The following AXL variants were observed in gnomAD, a reference collection of about 807,000 sequenced individuals.
The protein encoded by AXL is AXL receptor tyrosine kinase, also known as tyrosine-protein kinase receptor UFO.
In AXL, 52 loss-of-function variants were observed where a neutral mutation model predicts 104.5. The ratio of observed to expected loss-of-function variants is 0.50; its 90% CI spans 0.40 to 0.63. AXL has a LOEUF of 0.63. Ranked by LOEUF, AXL falls within the 20% of genes least tolerant of loss-of-function variation. The pLI, the probability that AXL is intolerant of heterozygous loss-of-function variation, is 0.00. For missense variants in AXL, 1,024 were observed against 1,188.5 expected, an observed-to-expected ratio of 0.86 and a Z score of 2.04; for synonymous variants, 455 against 473.7, an observed-to-expected ratio of 0.96 and a Z score of 0.51.
At chr19:41,221,788 T>A (rs1481790456) in intron 3 of AXL, 92 bp from the exon 4 acceptor site, 26 of 1,407,112 alleles carry the variant, frequency 1.8e-5, no homozygotes, top group African/African-American at 7.2e-5. Context: ...CAGGGTGGGT[T>A]TGCTGCCCAA....
At chr19:41,254,030 TG>T (rs1373154737) in intron 17 of AXL, among the ~76,000 whole-genome samples, 3 of 151,904 alleles carry the variant, frequency 2.0e-5, no homozygotes, top group Non-Finnish European at 4.4e-5. Context: ...CACTCCATGC[TG>T]GGTGTCTTGC....
rs1367408180 is a variant in AXL at position 41,239,727 on chromosome 19, G to C, written c.1312+7G>C. 1 of 1,614,086 alleles carries C rather than the reference G, an allele frequency of 6.2e-7. No individual in the cohort carries two copies. The highest frequency in any genetic ancestry group is 1.1e-5 in the South Asian group (1 of 91,086). On this transcript the variant is annotated splice_region_variant and intron_variant, in intron 10 of 19. Transcript: ENST00000301178. The stretch of plus-strand genomic sequence containing the variant: ...CAGCCAGTCCACCAGCTGGGTAAGG[G>C]CTTCCACACCCCATCTCCTCCTTCC...
chr19:41,229,531 C>T (rs113739911), intron 4 of AXL, among the ~76,000 whole-genome samples: 3,486 of 152,270 alleles, frequency 0.023, 144 homozygotes, highest in African/African-American at 0.079. Flanking sequence ...TCCCAAAGTG[C>T]TGGGATTACA....
At position 41,257,820 on chromosome 19, in the gene AXL, G is replaced by T. The variant is rs371339246; in HGVS notation, c.2333+191G>T. ...CCAGTGGGGTGCAAATCAGCTAAAG[G>T]CACCCTTTCCTCCTTTGTCTGTGTG... is the stretch of plus-strand genomic sequence containing the variant. On this transcript the variant is annotated intron_variant, in intron 19 of 19. Coordinates refer to ENST00000301178, the MANE Select transcript of AXL (RefSeq NM_021913.5). Among the ~76,000 whole-genome samples, 74 of 152,292 alleles carry T rather than the reference G, an allele frequency of 4.9e-4. No homozygotes were observed. The South Asian group carries it at 0.015, about 31-fold the overall frequency.
rs1002465671 is a variant in AXL at position 41,222,004 on chromosome 19, C to A, written c.534C>A (p.Val178=). 6.2e-7 allele frequency: 1 copy of A among 1,606,884 alleles called. No homozygotes were observed. The highest frequency in any genetic ancestry group is 1.1e-5 in the South Asian group (1 of 89,866). The part of the protein sequence containing the change: ...PVDLLWLQDA[V]PLATAPGHGP... ...ACCTACTCTGGCTCCAGGATGCTGT[C>A]CCCCTGGCCACGGCTCCAGGTCACG... The change falls in exon 4 of 20, where the codon GTC becomes GTA. Residue 178 remains valine (V), a synonymous_variant. Coordinates refer to ENST00000301178, the MANE Select transcript of AXL (RefSeq NM_021913.5).
At position 41,243,676 on chromosome 19, in the gene AXL, G is replaced by A. The variant is rs759440316; in HGVS notation, c.1506G>A (p.Lys502=). 13 of 1,614,106 alleles carry A rather than the reference G, an allele frequency of 8.1e-6. No homozygotes were observed. Among genetic ancestry groups the A allele is most frequent in the Non-Finnish European group, 1.0e-5 (12 of 1,180,020 alleles). ...TGGTAGTCAGGTACCGCGTGCGCAA[G>A]TCCTACAGTCGTCGGACCACTGAAG... is the stretch of plus-strand genomic sequence containing the variant. The part of the protein sequence containing the change: ...GELVVRYRVR[K]SYSRRTTEAT... The change falls in exon 12 of 20, where the codon AAG becomes AAA. Residue 502 remains lysine (K), a synonymous_variant. Transcript: ENST00000301178.
At chr19:41,242,462 G>T (rs2034200395) in intron 10 of AXL, among the ~76,000 whole-genome samples, 1 of 151,300 alleles carries the variant, frequency 6.6e-6, no homozygotes, top group Non-Finnish European at 1.5e-5. Flanking sequence ...AGCTGGGATT[G>T]CAGGTGTGCA....
At chr19:41,236,960 AC>A (rs1166373660) in intron 6 of AXL, among the ~76,000 whole-genome samples, 1 of 151,774 alleles carries the variant, frequency 6.6e-6, no homozygotes, top group Non-Finnish European at 1.5e-5. Flanking sequence ...TTTTTTTTTA[AC>A]GCATCAGCTA....
intron 17 of AXL, among the ~76,000 whole-genome samples, chr19:41,254,141 G>A (rs201311078): frequency 1.3e-5 from 2 of 151,426 alleles, no homozygotes; most frequent in Non-Finnish European, 2.9e-5. Flanking sequence ...AGTGGCTCAC[G>A]CCTGTAATCC....
In AXL at chr19:41,219,464, C is replaced by G. The variant is rs1389617751; in HGVS notation, c.72C>G (p.Cys24Trp). ...AWCLALCGWA[C>W]MAPRGTQAEE... ...GCTTGGCGCTGTGCGGCTGGGCGTG[C>G]ATGGCCCCCAGGGGTGAGTGATGGG... The change falls in exon 1 of 20, where the codon TGC (cysteine) becomes TGG (tryptophan). Residue 24 changes from cysteine to tryptophan, a missense_variant. Physicochemically the swap from Cys to Trp is radical, Grantham distance 215. Coordinates refer to ENST00000301178, the MANE Select transcript of AXL (RefSeq NM_021913.5). The G allele has an allele frequency of 3.1e-6, 5 of 1,604,880 alleles. No individual in the cohort carries two copies. The highest frequency in any genetic ancestry group is 4.3e-6 in the Non-Finnish European group (5 of 1,176,246).
At chr19:41,254,420 A>G (rs2034421366) in intron 17 of AXL, among the ~76,000 whole-genome samples, 1 of 151,584 alleles carries the variant, frequency 6.6e-6, no homozygotes. Flanking sequence ...GAAAGAAAAA[A>G]GAAAATAGTA....
At position 41,261,347 on chromosome 19, in the gene AXL, C is replaced by G. The variant is rs1361325101; in HGVS notation, c.*1443C>G. On this transcript the variant is annotated 3_prime_UTR_variant, in exon 20 of 20. Coordinates refer to ENST00000301178, the MANE Select transcript of AXL (RefSeq NM_021913.5). ...ATGTTGGACACCTTTAGGTTCTTTG[C>G]TGCATTCTGCCTCTCTAGGACCATG... 2.6e-5 allele frequency: 4 copies of G among 152,644 alleles called. No homozygotes were observed. Among genetic ancestry groups the G allele is most frequent in the Non-Finnish European group, 2.9e-5 (2 of 68,042 alleles). The allele number at this position is 152,644 out of a possible 1,614,324, so 9.5% of individuals were successfully genotyped here.
chr19:41,242,878 G>T lies in AXL; in HGVS notation c.1313-5G>T. 1 of 1,614,150 alleles carries T rather than the reference G, an allele frequency of 6.2e-7. No individual in the cohort carries two copies. The highest frequency in any genetic ancestry group is 8.5e-7 in the Non-Finnish European group (1 of 1,180,014). ...CCATGACCTGTTCCTCATACCCCCT[G>T]ATAGTGAAGGAACCTTCAACTCCTG... is the stretch of plus-strand genomic sequence containing the variant. On this transcript the variant is annotated splice_region_variant and splice_polypyrimidine_tract_variant and intron_variant, in intron 10 of 19. Coordinates refer to ENST00000301178, the MANE Select transcript of AXL (RefSeq NM_021913.5).
At chr19:41,244,126 C>T (rs546664662) in intron 12 of AXL, among the ~76,000 whole-genome samples, 1 of 151,952 alleles carries the variant, frequency 6.6e-6, no homozygotes, top group Non-Finnish European at 1.5e-5. Context: ...ATCACCTGAG[C>T]CCAGGGAGGT....
chr19:41,235,517 G>A, intron 6 of AXL, among the ~76,000 whole-genome samples: 1 of 152,268 alleles, frequency 6.6e-6, no homozygotes, highest in Non-Finnish European at 1.5e-5. Context: ...CAGGTGAGAA[G>A]ACTGAGGCAC....
intron 14 of AXL, among the ~76,000 whole-genome samples, chr19:41,250,600 G>A (rs749510820): frequency 1.3e-5 from 2 of 151,892 alleles, no homozygotes; most frequent in African/African-American, 4.8e-5. Flanking sequence ...GCGCCACCAC[G>A]CCCAGCTAAT....
chr19:41,229,969 G>T (rs1280295434), intron 4 of AXL, among the ~76,000 whole-genome samples: 1 of 151,960 alleles, frequency 6.6e-6, no homozygotes, highest in Admixed American at 6.6e-5. Context: ...GTGTCTCCTT[G>T]TGTGTGTGTG....
intron 1 of AXL, 102 bp from the exon 2 acceptor site, chr19:41,220,534 G>T: frequency 1.0e-6 from 1 of 1,004,380 alleles, no homozygotes; most frequent in Non-Finnish European, 1.5e-6. Context: ...CTAAGGGCCT[G>T]GCGGGGTCCT....
rs530349064 is a variant in AXL, at chr19:41,256,888, G to A, written c.2196+277G>A. On this transcript the variant is annotated intron_variant, in intron 18 of 19. Transcript: ENST00000301178. ...CTGCAGTGATTATGCGTGCATGTGCGCACACTCATAGAATGTGGACAGCCA... is the reference window on the plus strand; with the variant it reads ...CTGCAGTGATTATGCGTGCATGTGCACACACTCATAGAATGTGGACAGCCA... 4.3e-4 allele frequency among the ~76,000 whole-genome samples: 65 copies of A among 152,316 alleles called. 2 individuals carry two copies. The South Asian group carries it at 0.011, about 26-fold the overall frequency.
Sources: gnomAD v4.1 joint callset for allele counts (sites outside exome capture counted in the v4.1 genomes callset) on GRCh38, gnomAD v4.1.1 for gene constraint, MANE v1.5 for transcripts, NCBI Gene and HGNC (gene_info 2026-07-23, HGNC 2026-07-21) for gene names.